Variants in AMN1 observed in about 807,000 individuals in gnomAD.
AMN1 encodes the protein antagonist of mitotic exit network 1 homolog.
Under a neutral mutation model 33.0 loss-of-function variants are expected in AMN1, and 20 were observed. That is an observed-to-expected ratio of 0.61 (90% CI 0.43 to 0.88). The LOEUF (loss-of-function observed/expected upper bound fraction) is 0.88, where lower values mean the gene tolerates loss of function less well. Ranked by LOEUF, AMN1 falls within the 40% of genes least tolerant of loss-of-function variation. The pLI is 0.00. For synonymous variants in AMN1, 114 were observed against 111.9 expected (o/e 1.02, Z -0.12); for missense variants, 246 against 307.4 (o/e 0.80, Z 1.49).
chr12:31,717,356 A>G (rs576497865), intron 1 of AMN1, among the ~76,000 whole-genome samples: 1 of 152,306 alleles, frequency 6.6e-6, no homozygotes, highest in South Asian at 2.1e-4. Flanking sequence ...ACTGATGAGC[A>G]TTTGAGTTGG....
At chr12:31,682,517 T>TG (rs925811157) in intron 6 of AMN1, among the ~76,000 whole-genome samples, 36 of 23,004 alleles carry the variant, frequency 1.6e-3, no homozygotes, top group East Asian at 5.9e-3. Context: ...GCGGGGCGGG[T>TG]GGGGGGGTGT....
chr12:31,696,141 G>A (rs1009008748), intron 5 of AMN1, among the ~76,000 whole-genome samples: 7 of 152,000 alleles, frequency 4.6e-5, no homozygotes, highest in Non-Finnish European at 8.8e-5. Context: ...GGAGACTGAG[G>A]CTGGAGAATC....
chr12:31,704,988 A>G (rs1939162980), intron 2 of AMN1, among the ~76,000 whole-genome samples: 1 of 152,204 alleles, frequency 6.6e-6, no homozygotes, highest in Non-Finnish European at 1.5e-5. Flanking sequence ...ATAACATTAC[A>G]TACTTCAACA....
upstream of AMN1, chr12:31,729,167 G>A (rs369857796): frequency 1.1e-5 from 8 of 746,228 alleles, no homozygotes; most frequent in African/African-American, 1.1e-4. Flanking sequence ...GACTCCACAA[G>A]GAAAGAAGAG....
chr12:31,677,667 A>G (rs949749168), intron 6 of AMN1, among the ~76,000 whole-genome samples: 2 of 152,162 alleles, frequency 1.3e-5, no homozygotes, highest in South Asian at 4.1e-4. Flanking sequence ...ACTAAAGGAC[A>G]TTGGAAGGCC....
intron 1 of AMN1, among the ~76,000 whole-genome samples, chr12:31,726,161 C>CTT (rs11384337): frequency 0.011 from 1,595 of 142,050 alleles, 16 homozygotes; most frequent in African/African-American, 0.03. Context: ...AGAGTAATTT[C>CTT]TTTTTTTTTT....
At chr12:31,696,280 G>GTATTTATTTATT (rs1555187227) in intron 5 of AMN1, among the ~76,000 whole-genome samples, 18,965 of 149,972 alleles carry the variant, frequency 0.13, 1,451 homozygotes, top group East Asian at 0.21. Flanking sequence ...AAATAAAAAA[G>GTATTTATTTATT]TATTTATTTA....
intron 1 of AMN1, among the ~76,000 whole-genome samples, chr12:31,712,446 C>T (rs1258849031): frequency 6.6e-6 from 1 of 151,998 alleles, no homozygotes. Flanking sequence ...CAGGGTTTCA[C>T]CATGTTGGCC....
chr12:31,712,589 T>C (rs911217128), intron 1 of AMN1, among the ~76,000 whole-genome samples: 4 of 152,104 alleles, frequency 2.6e-5, no homozygotes, highest in Non-Finnish European at 4.4e-5. Context: ...CCATCATATA[T>C]ATGTATTATA....
intron 3 of AMN1, among the ~76,000 whole-genome samples, chr12:31,698,922 A>T (rs754030623): frequency 4.6e-5 from 7 of 152,018 alleles, no homozygotes; most frequent in Admixed American, 2.0e-4. Flanking sequence ...TTTTGATCAT[A>T]CCTGAGTTTA....
intron 1 of AMN1, among the ~76,000 whole-genome samples, chr12:31,713,239 T>C (rs987352572): frequency 6.6e-6 from 1 of 152,154 alleles, no homozygotes; most frequent in Non-Finnish European, 1.5e-5. Flanking sequence ...TATGTATAAG[T>C]ATCTCTCTCC....
At chr12:31,680,799 A>C (rs1334976265) in intron 6 of AMN1, among the ~76,000 whole-genome samples, 1 of 152,184 alleles carries the variant, frequency 6.6e-6, no homozygotes, top group Non-Finnish European at 1.5e-5. Flanking sequence ...CTTTCTATAT[A>C]ATATAAATTT....
intron 3 of AMN1, among the ~76,000 whole-genome samples, chr12:31,699,754 A>C (rs1399978988): frequency 6.6e-6 from 1 of 152,230 alleles, no homozygotes; most frequent in Non-Finnish European, 1.5e-5. Context: ...CATATGTACC[A>C]GAGGCCTGGC....
At chr12:31,697,986 G>T in intron 3 of AMN1, 29 bp from the exon 4 acceptor site, 1 of 1,597,812 alleles carries the variant, frequency 6.3e-7, no homozygotes, top group South Asian at 1.1e-5. Context: ...ATATATCAAT[G>T]AGCTATATGT....
intron 1 of AMN1, 37 bp from the exon 2 acceptor site, chr12:31,709,462 C>T (rs1478744942): frequency 6.3e-7 from 1 of 1,577,518 alleles, no homozygotes; most frequent in Admixed American, 1.9e-5. Flanking sequence ...TCACACTGGG[C>T]CTGTACTGAT....
At chr12:31,677,083 G>C (rs1937751180) in intron 6 of AMN1, among the ~76,000 whole-genome samples, 1 of 151,506 alleles carries the variant, frequency 6.6e-6, no homozygotes. Context: ...CGGATCACGA[G>C]GTCAGGAGAT....
At chr12:31,705,375 G>A (rs1011375472) in intron 2 of AMN1, among the ~76,000 whole-genome samples, 2 of 152,092 alleles carry the variant, frequency 1.3e-5, no homozygotes, top group Non-Finnish European at 2.9e-5. Context: ...GTGGGTGCCT[G>A]TAGTCCTAGC....
Position 31,704,932 on chromosome 12 carries a change from C to T in AMN1, c.172-2925G>A, listed in dbSNP as rs143028373. 1.8e-4 allele frequency among the ~76,000 whole-genome samples: 27 copies of T among 152,192 alleles called. No individual in the cohort carries two copies. In the East Asian group the frequency reaches 5.2e-3, roughly 29 times the overall value. On this transcript the variant is annotated intron_variant, in intron 2 of 6. Transcript: ENST00000281471. ...GTGGATGGTGGAAAAGTGAAGAAAA[C>T]CACCATTTTTCTACAGTGTCATTAT...
At position 31,687,890 on chromosome 12, in the gene AMN1, C is replaced by G. The variant is rs1193710231; in HGVS notation, c.703+1117G>C. Among the ~76,000 whole-genome samples, 1 of 152,058 alleles carries G rather than the reference C, an allele frequency of 6.6e-6. No homozygotes were observed. The highest frequency in any genetic ancestry group is 1.5e-5 in the Non-Finnish European group (1 of 68,010). On this transcript the variant is annotated intron_variant, in intron 6 of 6. Transcript: ENST00000281471. The surrounding 1 kb of genome is among the most constrained non-coding windows in gnomAD (Gnocchi z 4.1). ...ATGGCTCTTATACAGGCAAAATGGG[C>G]TACTGCTGTTTTGTTCTCCTCCAGT...
Sources: gnomAD v4.1 joint callset for allele counts (sites outside exome capture counted in the v4.1 genomes callset) on GRCh38, gnomAD v4.1.1 for gene constraint, Gnocchi (gnomAD v3.1) non-coding constraint, MANE v1.5 for transcripts, NCBI Gene and HGNC (gene_info 2026-07-23, HGNC 2026-07-21) for gene names.